EYS: variants seen among roughly 807,000 people sequenced by gnomAD.
The protein encoded by EYS is protein eyes shut homolog.
EYS carries 250 observed loss-of-function variants against 282.1 expected under a neutral mutation model. The ratio of observed to expected loss-of-function variants is 0.89; its 90% confidence interval spans 0.80 to 0.98. The LOEUF (loss-of-function observed/expected upper bound fraction) is 0.98, where lower values mean the gene tolerates loss of function less well. EYS is among the 50% of genes least tolerant of loss of function. EYS has a pLI of 0.00. For missense variants in EYS, 4,016 were observed against 3,709.0 expected, an observed-to-expected ratio of 1.08 and a Z score of -2.15; for synonymous variants, 1,355 against 1,282.9, an observed-to-expected ratio of 1.06 and a Z score of -1.20.
chr6:65,633,558 C>T (rs1402929662), intron 2 of EYS, among the ~76,000 whole-genome samples: 1 of 152,154 alleles, frequency 6.6e-6, no homozygotes, highest in East Asian at 1.9e-4. Flanking sequence ...AAGTGACTTG[C>T]CCAAGTTCAC....
chr6:64,179,644 C>T (rs1764735123), intron 31 of EYS, among the ~76,000 whole-genome samples: 1 of 152,004 alleles, frequency 6.6e-6, no homozygotes, highest in Non-Finnish European at 1.5e-5. Context: ...ATCCTTGGTG[C>T]CAAGTGAATT....
intron 29 of EYS, among the ~76,000 whole-genome samples, chr6:64,382,461 T>A (rs1772780009): frequency 1.3e-5 from 2 of 152,210 alleles, no homozygotes; most frequent in African/African-American, 2.4e-5. Context: ...ATGATGACCC[T>A]CACCTCCATT....
intron 31 of EYS, among the ~76,000 whole-genome samples, chr6:64,120,552 T>G (rs1213300495): frequency 6.6e-6 from 1 of 151,920 alleles, no homozygotes; most frequent in African/African-American, 2.4e-5. Flanking sequence ...TTCTTTAGAT[T>G]TGAGATATGA....
intron 2 of EYS, among the ~76,000 whole-genome samples, chr6:65,585,689 G>A (rs1250289427): frequency 6.6e-6 from 1 of 151,706 alleles, no homozygotes; most frequent in Non-Finnish European, 1.5e-5. Context: ...AGGTTGTCTG[G>A]CATATGAGAC....
rs1029523397 is a variant in EYS, at chr6:65,002,383, T to C, written c.2138-4680A>G. Among the ~76,000 whole-genome samples the C allele has an allele frequency of 2.8e-5, 4 of 143,518 alleles. 1 individual carries two copies. The highest frequency in any genetic ancestry group is 6.3e-5 in the Non-Finnish European group (4 of 63,720). The allele number at this position is 143,518 out of a possible 152,430, so 94.2% of individuals were successfully genotyped here. A position where few individuals can be genotyped will look rare whatever the true frequency, so the allele number is the denominator to read the frequency against. ...TATCAAGAGCAGCAAAAATATGGCA[T>C]ATAGTCCACAGAACTGTTTTGCTCA... is the stretch of plus-strand genomic sequence containing the variant. On this transcript the variant is annotated intron_variant, in intron 13 of 42. Transcript: ENST00000503581.
intron 26 of EYS, among the ~76,000 whole-genome samples, chr6:64,524,508 T>C (rs1777854920): frequency 1.3e-5 from 2 of 151,950 alleles, no homozygotes; most frequent in Non-Finnish European, 2.9e-5. Flanking sequence ...TTTTTGCATT[T>C]GTTGCAATTG....
At chr6:65,424,491 A>G (rs1212744084) in intron 5 of EYS, among the ~76,000 whole-genome samples, 1 of 152,104 alleles carries the variant, frequency 6.6e-6, no homozygotes, top group Middle Eastern at 3.4e-3. Flanking sequence ...AATACACAGT[A>G]TTAAATAAAT....
chr6:64,696,466 C>A (rs529097423), intron 22 of EYS, among the ~76,000 whole-genome samples: 6 of 152,246 alleles, frequency 3.9e-5, no homozygotes, highest in Admixed American at 3.9e-4. Context: ...CTTAGTCTAG[C>A]ATGAGATTTA....
intron 14 of EYS, among the ~76,000 whole-genome samples, chr6:64,975,330 G>C (rs1425426404): frequency 1.3e-5 from 2 of 151,696 alleles, no homozygotes; most frequent in Non-Finnish European, 2.9e-5. Flanking sequence ...TATAAATAAT[G>C]TAAAATTCAA....
At chr6:64,842,885 G>C (rs1765606339) in intron 19 of EYS, among the ~76,000 whole-genome samples, 6 of 152,084 alleles carry the variant, frequency 3.9e-5, no homozygotes, top group African/African-American at 1.4e-4. Context: ...ATGATGCAGA[G>C]AGAAAACCCC....
intron 30 of EYS, among the ~76,000 whole-genome samples, chr6:64,245,593 C>G (rs1766984633): frequency 6.6e-6 from 1 of 152,170 alleles, no homozygotes; most frequent in Admixed American, 6.5e-5. Flanking sequence ...ATGGCAACCT[C>G]TGATCTTTGC....
chr6:64,717,732 C>T (rs1290920723), intron 22 of EYS, among the ~76,000 whole-genome samples: 1 of 152,070 alleles, frequency 6.6e-6, no homozygotes, highest in Non-Finnish European at 1.5e-5. Context: ...TGCTATGAGG[C>T]TTTTCTCAAA....
At chr6:64,627,605 G>C (rs9353981) in intron 22 of EYS, among the ~76,000 whole-genome samples, 91,524 of 152,030 alleles carry the variant, frequency 0.6, 27,698 homozygotes, top group South Asian at 0.68. Context: ...TTTAGCCACT[G>C]TGCTTTACTT....
intron 28 of EYS, among the ~76,000 whole-genome samples, chr6:64,417,610 T>C (rs534951904): frequency 6.6e-6 from 1 of 152,274 alleles, no homozygotes; most frequent in South Asian, 2.1e-4. Flanking sequence ...AGGAATAATA[T>C]TTTAAAAATC....
chr6:64,766,649 A>ATAT (rs1554201272), intron 22 of EYS, among the ~76,000 whole-genome samples: 5 of 19,066 alleles, frequency 2.6e-4, no homozygotes, highest in East Asian at 1.2e-3. Context: ...AAAAAAAAAA[A>ATAT]ATATATATAT....
At chr6:65,420,320 C>A (rs540563297) in intron 5 of EYS, among the ~76,000 whole-genome samples, 14 of 151,956 alleles carry the variant, frequency 9.2e-5, no homozygotes, top group Non-Finnish European at 1.5e-4. Flanking sequence ...AGCATCCTCA[C>A]CAGGAGTAGA....
intron 12 of EYS, among the ~76,000 whole-genome samples, chr6:65,086,875 G>A (rs1301103869): frequency 6.6e-6 from 1 of 151,684 alleles, no homozygotes; most frequent in Non-Finnish European, 1.5e-5. Flanking sequence ...CCAGGCTGGA[G>A]TGCAGTGGCA....
chr6:64,781,126 G>A (rs911805172), intron 22 of EYS, among the ~76,000 whole-genome samples: 1 of 151,460 alleles, frequency 6.6e-6, no homozygotes, highest in Non-Finnish European at 1.5e-5. Context: ...GGAAGTGCCT[G>A]CAGGGTAGAG....
At chr6:64,479,809 C>A (rs759640846) in intron 26 of EYS, among the ~76,000 whole-genome samples, 1 of 151,888 alleles carries the variant, frequency 6.6e-6, no homozygotes, top group South Asian at 2.1e-4. Context: ...ACACCCAAAT[C>A]TGCATGGCAT....
Sources: gnomAD v4.1 joint callset for allele counts (sites outside exome capture counted in the v4.1 genomes callset) on GRCh38, gnomAD v4.1.1 for gene constraint, MANE v1.5 for transcripts, NCBI Gene and HGNC (gene_info 2026-07-23, HGNC 2026-07-21) for gene names.